Variants in STAP1 observed in about 807,000 individuals in gnomAD.
STAP1 encodes the protein signal-transducing adaptor protein 1.
In STAP1, 30 loss-of-function variants were observed where a neutral mutation model predicts 37.8. The observed-to-expected ratio is 0.79, with a 90% CI of 0.59 to 1.08. The LOEUF (loss-of-function observed/expected upper bound fraction) is 1.08. Ranked by LOEUF, STAP1 falls within the 50% of genes least tolerant of loss-of-function variation. The pLI, the probability that STAP1 is intolerant of heterozygous loss-of-function variation, is 0.00. For missense variants in STAP1, 357 were observed against 349.4 expected (o/e 1.02, Z -0.17); for synonymous variants, 130 against 116.0 (o/e 1.12, Z -0.78).
chr4:67,592,282 C>A (rs1461054948), intron 7 of STAP1, among the ~76,000 whole-genome samples: 5 of 152,186 alleles, frequency 3.3e-5, no homozygotes, highest in Non-Finnish European at 7.3e-5. Flanking sequence ...GTGTGTACCA[C>A]TGCGCCTGGC....
At chr4:67,559,907 A>G (rs941165525) in intron 1 of STAP1, among the ~76,000 whole-genome samples, 7 of 152,190 alleles carry the variant, frequency 4.6e-5, no homozygotes, top group Admixed American at 1.3e-4. Context: ...ATTTGAGAGT[A>G]AAGACATGGT....
rs942809860 is a variant in STAP1 at position 67,581,567 on chromosome 4, G to A, written c.530+96G>A. On this transcript the variant is annotated intron_variant, in intron 5 of 8. Coordinates refer to ENST00000265404, the MANE Select transcript of STAP1 (RefSeq NM_012108.4). ...AGTCACTTGCTCTTGTTAAGCCAGG[G>A]ACAATAAGCAGTCTTGGGGATAAAC... 2.2e-6 allele frequency: 3 copies of A among 1,356,702 alleles called. No individual in the cohort carries two copies. In the East Asian group the frequency reaches 7.0e-5, roughly 32 times the overall value. 84.0% of individuals were successfully genotyped at this position (1,356,702 alleles called of 1,614,324 possible). A position where few individuals can be genotyped will look rare whatever the true frequency, so the allele number is the denominator to read the frequency against.
intron 2 of STAP1, among the ~76,000 whole-genome samples, chr4:67,574,713 T>C (rs1387960214): frequency 6.6e-6 from 1 of 152,224 alleles, no homozygotes; most frequent in African/African-American, 2.4e-5. Context: ...TGTCTCTATA[T>C]GTTTAAAGTG....
Position 67,601,520 on chromosome 4 carries a change from G to T in STAP1, c.827-4776G>T, listed in dbSNP as rs529988442. Among the ~76,000 whole-genome samples the T allele has an allele frequency of 2.0e-4, 31 of 152,242 alleles. 1 individual carries two copies. The South Asian group carries it at 6.2e-3, about 31-fold the overall frequency. On this transcript the variant is annotated intron_variant, in intron 8 of 8. Transcript: ENST00000265404. The stretch of plus-strand genomic sequence containing the variant: ...CTATCAGATTGAAGAACTCTCTTTA[G>T]CATTTCTTTTAGGACAGGTCTGGTA...
Position 67,577,200 on chromosome 4 carries a change from T to G in STAP1, c.307-3T>G. 1 of 1,609,646 alleles carries G rather than the reference T, an allele frequency of 6.2e-7. No individual in the cohort carries two copies. Among genetic ancestry groups the G allele is most frequent in the South Asian group, 1.1e-5 (1 of 89,826 alleles). Reference sequence around the variant, plus strand: ...CTTTATCTGTTTTTGTCTTCAACTTTAGACAGAGAACACAGAAAGTGGGGA... The same window carrying G: ...CTTTATCTGTTTTTGTCTTCAACTTGAGACAGAGAACACAGAAAGTGGGGA... On this transcript the variant is annotated splice_polypyrimidine_tract_variant and splice_region_variant and intron_variant, in intron 3 of 8. Transcript: ENST00000265404.
intron 2 of STAP1, 129 bp downstream of exon 2, chr4:67,571,284 G>A: frequency 3.2e-6 from 2 of 628,892 alleles, no homozygotes; most frequent in Non-Finnish European, 2.7e-6. Flanking sequence ...AAAAAATAAA[G>A]TTTAAATCTG....
intron 8 of STAP1, among the ~76,000 whole-genome samples, chr4:67,600,592 T>C (rs768286840): frequency 1.3e-5 from 2 of 152,192 alleles, no homozygotes; most frequent in Non-Finnish European, 2.9e-5. Context: ...TGTTGATGTT[T>C]CTAGCTATTA....
At chr4:67,604,521 A>T (rs1728410091) in intron 8 of STAP1, among the ~76,000 whole-genome samples, 1 of 152,076 alleles carries the variant, frequency 6.6e-6, no homozygotes, top group East Asian at 1.9e-4. Flanking sequence ...CTTTATATTC[A>T]TTTCAAGAAT....
At chr4:67,596,530 G>A (rs187197645) in intron 8 of STAP1, among the ~76,000 whole-genome samples, 10 of 152,318 alleles carry the variant, frequency 6.6e-5, no homozygotes, top group African/African-American at 1.7e-4. Flanking sequence ...ATGTGGGAAA[G>A]TTTGGAACTT....
intron 8 of STAP1, among the ~76,000 whole-genome samples, chr4:67,597,857 C>A (rs897187323): frequency 6.6e-6 from 1 of 152,158 alleles, no homozygotes; most frequent in Admixed American, 6.5e-5. Context: ...ATTTTACAGG[C>A]TCACAGGCAG....
At chr4:67,578,814 A>C (rs1198486182) in intron 4 of STAP1, among the ~76,000 whole-genome samples, 3 of 146,396 alleles carry the variant, frequency 2.0e-5, no homozygotes, top group Non-Finnish European at 4.5e-5. Flanking sequence ...CAGAATATAA[A>C]ATCAAATTTA....
At chr4:67,561,856 G>A (rs970216992) in intron 1 of STAP1, among the ~76,000 whole-genome samples, 9 of 151,980 alleles carry the variant, frequency 5.9e-5, no homozygotes, top group Non-Finnish European at 1.2e-4. Flanking sequence ...GGCGGATCAC[G>A]AGGTCAGGAA....
intron 2 of STAP1, among the ~76,000 whole-genome samples, chr4:67,572,873 G>T (rs922516031): frequency 6.6e-6 from 1 of 152,156 alleles, no homozygotes; most frequent in Non-Finnish European, 1.5e-5. Flanking sequence ...ATTGTACAAG[G>T]TTAGATAGGT....
At chr4:67,603,427 T>C (rs1256472448) in intron 8 of STAP1, among the ~76,000 whole-genome samples, 2 of 152,124 alleles carry the variant, frequency 1.3e-5, no homozygotes, top group African/African-American at 4.8e-5. Context: ...CTCTTCCCTT[T>C]CCTTTCCTTA....
At chr4:67,565,693 T>C (rs908408665) in intron 1 of STAP1, among the ~76,000 whole-genome samples, 4 of 152,116 alleles carry the variant, frequency 2.6e-5, no homozygotes, top group Admixed American at 6.5e-5. Context: ...TATGGAGCAA[T>C]AGCAGGAGGT....
chr4:67,574,194 T>C (rs1413256193), intron 2 of STAP1, among the ~76,000 whole-genome samples: 61 of 152,098 alleles, frequency 4.0e-4, no homozygotes, highest in Admixed American at 4.0e-3. Flanking sequence ...ACAATAGTCT[T>C]TATTGTAATG....
At chr4:67,575,268 G>A (rs1727691941) in intron 2 of STAP1, 117 bp from the exon 3 acceptor site, 3 of 611,454 alleles carry the variant, frequency 4.9e-6, no homozygotes, top group African/African-American at 3.9e-5. Context: ...GGAAAACCAG[G>A]ATATCATACA....
chr4:67,593,002 T>C (rs1370515443), intron 7 of STAP1, among the ~76,000 whole-genome samples: 1 of 152,192 alleles, frequency 6.6e-6, no homozygotes, highest in East Asian at 1.9e-4. Context: ...TATGCTTTAA[T>C]TGAGGGAGAG....
At position 67,558,864 on chromosome 4, in the gene STAP1, T is replaced by G. The variant is rs1256711696; in HGVS notation, c.55T>G (p.Leu19Val). 6.2e-7 allele frequency: 1 copy of G among 1,613,656 alleles called. No individual in the cohort carries two copies. Among genetic ancestry groups the G allele is most frequent in the African/African-American group, 1.3e-5 (1 of 74,844 alleles). Residue 19 changes from leucine to valine, a missense_variant, in exon 1 of 9, where the codon TTA becomes GTA. Transcript: ENST00000265404. ...CCCTCGCAGGATCTTCCAGGAAAGG[T>G]TAAAGATTACTGCTCTACCTTTGTA... ...PAPRRIFQER[L>V]KITALPLYFE...
Sources: gnomAD v4.1 joint callset for allele counts (sites outside exome capture counted in the v4.1 genomes callset) on GRCh38, gnomAD v4.1.1 for gene constraint, MANE v1.5 for transcripts, NCBI Gene and HGNC (gene_info 2026-07-23, HGNC 2026-07-21) for gene names.